BRF2: variants seen among roughly 807,000 people sequenced by gnomAD.
BRF2 encodes transcription factor IIIB 50 kDa subunit.
In BRF2, 17 loss-of-function variants were observed where a neutral mutation model predicts 26.6. The ratio of observed to expected loss-of-function variants is 0.64; its 90% CI spans 0.44 to 0.96. BRF2 has a LOEUF of 0.96. Among genes scored for constraint, BRF2 ranks in the 40% least tolerant of loss-of-function variants. BRF2 has a pLI of 0.00. For synonymous variants in BRF2, 219 were observed against 226.6 expected, an observed-to-expected ratio of 0.97 and a Z score of 0.30; for missense variants, 515 against 537.0, an observed-to-expected ratio of 0.96 and a Z score of 0.40.
At chr8:37,846,068 G>A (rs144331725) in intron 3 of BRF2, among the ~76,000 whole-genome samples, 303 of 152,284 alleles carry the variant, frequency 2.0e-3, no homozygotes, top group Non-Finnish European at 3.4e-3. Context: ...GCATTCTTTG[G>A]CGGGGTGCAG....
At position 37,848,623 on chromosome 8, in the gene BRF2, C is replaced by G; in HGVS notation, c.187G>C (p.Glu63Gln). ...CGTTGCTGGCTGCGACTAACTTGTT[C>G]GTTTTCCCCTGTGCTTCGGGAATAT... Reference protein sequence around the residue: ...VTYSRSTGENEQVSRSQQRGL... With the variant: ...VTYSRSTGENQQVSRSQQRGL... The change falls in exon 2 of 4, where the codon GAA (glutamate) becomes CAA (glutamine). Residue 63 changes from glutamate to glutamine, a missense_variant. By Grantham distance (29) the Glu-to-Gln change is conservative. Coordinates refer to ENST00000220659, the MANE Select transcript of BRF2 (RefSeq NM_018310.4). 1.2e-6 allele frequency: 2 copies of G among 1,614,126 alleles called. No individual in the cohort carries two copies.
Position 37,846,853 on chromosome 8 carries a change from C to A in BRF2, c.536+1G>T, listed in dbSNP as rs1408899687. The A allele has an allele frequency of 6.2e-7, 1 of 1,609,016 alleles. No individual in the cohort carries two copies. The highest frequency in any genetic ancestry group is 1.7e-5 in the Admixed American group (1 of 59,956). Reference sequence around the variant, plus strand: ...CCTACTGTCTCCCACCAGGGACGTACCTGCTGCAATAGGTCTTCACCAGTT... The same window carrying A: ...CCTACTGTCTCCCACCAGGGACGTAACTGCTGCAATAGGTCTTCACCAGTT... On this transcript the variant is annotated splice_donor_variant, in intron 3 of 3. Transcript: ENST00000220659. LOFTEE classifies it high-confidence loss of function.
chr8:37,846,898 C>G lies in BRF2; in HGVS notation c.492G>C (p.Val164=). The G allele has an allele frequency of 6.2e-7, 1 of 1,614,074 alleles. No individual in the cohort carries two copies. The highest frequency in any genetic ancestry group is 8.5e-7 in the Non-Finnish European group (1 of 1,179,952). ...MQIVKLLGLD[V]PSLCLAELVK... ...CCAGTTCTGCCAAGCACAGAGATGG[C>G]ACATCCAGTCCCAGGAGCTTCACTA... Residue 164 remains valine, a synonymous_variant, in exon 3 of 4, where the codon GTG becomes GTC. Transcript: ENST00000220659.
At chr8:37,846,539 G>A (rs1018703604) in intron 3 of BRF2, among the ~76,000 whole-genome samples, 1 of 152,110 alleles carries the variant, frequency 6.6e-6, no homozygotes, top group Non-Finnish European at 1.5e-5. Flanking sequence ...CGGATCACCT[G>A]AGGTCAGGAG....
Position 37,849,557 on chromosome 8 carries a change from G to A in BRF2, c.154+73C>T. 2.4e-6 allele frequency: 3 copies of A among 1,233,886 alleles called. No homozygotes were observed. In the South Asian group the frequency reaches 3.9e-5, roughly 16 times the overall value. 76.4% of individuals were successfully genotyped at this position (1,233,886 alleles called of 1,614,324 possible). A position where few individuals can be genotyped will look rare whatever the true frequency, so the allele number is the denominator to read the frequency against. On this transcript the variant is annotated intron_variant, in intron 1 of 3. Coordinates refer to ENST00000220659, the MANE Select transcript of BRF2 (RefSeq NM_018310.4). The stretch of plus-strand genomic sequence containing the variant: ...TGTGCGTTACAGTTAGGAGTATGGG[G>A]GGAGCGGGGAGGCAAAAGGAATCTG...
Position 37,844,764 on chromosome 8 carries a change from C to T in BRF2, c.986G>A (p.Trp329Ter). ...CTCCCCTTCTCCTTGCCCCTGTCCC[C>T]ACCCCGGTGGCTCCTTCTCTCGGGT... ...VETREKEPPGWGQGQGEGEVG... is the reference protein window; with the variant it reads ...VETREKEPPG The change falls in exon 4 of 4, where the codon TGG (tryptophan) becomes TAG (stop). Residue 329 changes from tryptophan to a stop codon, truncating the protein, a stop_gained. Coordinates refer to ENST00000220659, the MANE Select transcript of BRF2 (RefSeq NM_018310.4). LOFTEE classifies it low-confidence loss of function (END_TRUNC). 1 of 1,614,054 alleles carries T rather than the reference C, an allele frequency of 6.2e-7. No homozygotes were observed. The highest frequency in any genetic ancestry group is 8.5e-7 in the Non-Finnish European group (1 of 1,179,980).
chr8:37,848,869 C>T (rs911234715), intron 1 of BRF2, among the ~76,000 whole-genome samples: 1 of 152,238 alleles, frequency 6.6e-6, no homozygotes, highest in Non-Finnish European at 1.5e-5. Flanking sequence ...CCAAGTGTTC[C>T]AAATTTCCAG....
intron 3 of BRF2, 41 bp from the exon 4 acceptor site, chr8:37,845,254 G>A: frequency 6.5e-7 from 1 of 1,532,430 alleles, no homozygotes; most frequent in Non-Finnish European, 9.0e-7. Context: ...AATGATATAG[G>A]GGCTGCTCTC....
Position 37,847,061 on chromosome 8 carries a change from C to T in BRF2, c.329G>A (p.Arg110Lys). The T allele has an allele frequency of 6.2e-7, 1 of 1,614,236 alleles. No homozygotes were observed. The highest frequency in any genetic ancestry group is 8.5e-7 in the Non-Finnish European group (1 of 1,180,048). ...AYRHSGIRAA[R>K]LQKKEVLVGC... ...AACCAACACCTCCTTCTTTTGCAGC[C>T]TGGCCGCTCGGATGCCAGAGTGCCG... is the stretch of plus-strand genomic sequence containing the variant. The change falls in exon 3 of 4, where the codon AGG becomes AAG. Residue 110 changes from arginine to lysine, a missense_variant. Arg to Lys is a conservative substitution (Grantham distance 26). Coordinates refer to ENST00000220659, the MANE Select transcript of BRF2 (RefSeq NM_018310.4).
rs1251717807 is a variant in BRF2, at chr8:37,845,004, C to A, written c.746G>T (p.Arg249Leu). The A allele has an allele frequency of 1.9e-6, 3 of 1,613,948 alleles. No homozygotes were observed. Among genetic ancestry groups the A allele is most frequent in the Non-Finnish European group, 2.5e-6 (3 of 1,179,984 alleles). Residue 249 changes from arginine (R) to leucine (L), a missense_variant, in exon 4 of 4, where the codon CGA becomes CTA. Physicochemically the swap from Arg to Leu is moderately radical, Grantham distance 102. Transcript: ENST00000220659. ...GTCCACATTTGCCAATTTACAAAATCGGGCAAGGGAACATGAAAGCCGATC... is the reference window on the plus strand; with the variant it reads ...GTCCACATTTGCCAATTTACAAAATAGGGCAAGGGAACATGAAAGCCGATC... ...PADRLSCSLARFCKLANVDLP... is the reference protein window; with the variant it reads ...PADRLSCSLALFCKLANVDLP...
intron 1 of BRF2, 66 bp downstream of exon 1, chr8:37,849,564 G>T: frequency 7.7e-7 from 1 of 1,306,884 alleles, no homozygotes; most frequent in Non-Finnish European, 1.1e-6. Context: ...GGGGGGAGCG[G>T]GGAGGCAAAA....
At chr8:37,846,773 A>C (rs898496392) in intron 3 of BRF2, 81 bp downstream of exon 3, 2 of 1,049,810 alleles carry the variant, frequency 1.9e-6, no homozygotes, top group Admixed American at 2.2e-5. Flanking sequence ...AAGAAAAAAA[A>C]AAAGAGATGG....
chr8:37,844,771 G>A lies in BRF2; in HGVS notation c.979C>T (p.Pro327Ser), dbSNP rs537375402. The change falls in exon 4 of 4, where the codon CCG becomes TCG. Residue 327 changes from proline (P) to serine (S), a missense_variant. Transcript: ENST00000220659. Reference protein sequence around the residue: ...AEVETREKEPPGWGQGQGEGE... With the variant: ...AEVETREKEPSGWGQGQGEGE... ...TCTCCTTGCCCCTGTCCCCACCCCGGTGGCTCCTTCTCTCGGGTCTCCACT... is the reference window on the plus strand; with the variant it reads ...TCTCCTTGCCCCTGTCCCCACCCCGATGGCTCCTTCTCTCGGGTCTCCACT... The A allele has an allele frequency of 1.2e-6, 2 of 1,613,990 alleles. No individual in the cohort carries two copies. Among genetic ancestry groups the A allele is most frequent in the Non-Finnish European group, 1.7e-6 (2 of 1,179,966 alleles).
chr8:37,847,153 A>T lies in BRF2; in HGVS notation c.237T>A (p.Leu79=). ...QQRGLRRVRD[L]CRVLQLPPTF... ...TTGGTGGCAACTGCAGAACTCGACA[A>T]AGGTCTCTCACTCGCCGGAGACCTA... Residue 79 remains leucine, a synonymous_variant, in exon 3 of 4, where the codon CTT becomes CTA. Coordinates refer to ENST00000220659, the MANE Select transcript of BRF2 (RefSeq NM_018310.4). 1 of 1,613,908 alleles carries T rather than the reference A, an allele frequency of 6.2e-7. No individual in the cohort carries two copies. Among genetic ancestry groups the T allele is most frequent in the Non-Finnish European group, 8.5e-7 (1 of 1,179,786 alleles).
At chr8:37,847,209 C>T (rs762467563) in intron 2 of BRF2, 34 bp from the exon 3 acceptor site, 1 of 1,595,872 alleles carries the variant, frequency 6.3e-7, no homozygotes, top group Admixed American at 1.7e-5. Flanking sequence ...TTAGAGGGGT[C>T]AAAGGAGCTA....
At position 37,844,788 on chromosome 8, in the gene BRF2, G is replaced by A. The variant is rs778845865; in HGVS notation, c.962C>T (p.Thr321Ile). ...CCACCCCGGTGGCTCCTTCTCTCGG[G>A]TCTCCACTTCTGCTGTCCCATCCCG... is the stretch of plus-strand genomic sequence containing the variant. ...AFRDGTAEVE[T>I]REKEPPGWGQ... The change falls in exon 4 of 4, where the codon ACC becomes ATC. Residue 321 changes from threonine to isoleucine, a missense_variant. By Grantham distance (89) the Thr-to-Ile change is moderately conservative. Coordinates refer to ENST00000220659, the MANE Select transcript of BRF2 (RefSeq NM_018310.4). 12 of 1,613,880 alleles carry A rather than the reference G, an allele frequency of 7.4e-6. No individual in the cohort carries two copies. In the African/African-American group the frequency reaches 1.5e-4, roughly 20 times the overall value.
At position 37,844,871 on chromosome 8, in the gene BRF2, C is replaced by T; in HGVS notation, c.879G>A (p.Val293=). ...GGAGAAGGTCACCGATGTGCTTCAC[C>T]ACAGACCGTTTGTCAAGTCTCAGAA... The part of the protein sequence containing the change: ...LRVLRLDKRS[V]VKHIGDLLQH... Residue 293 remains valine, a synonymous_variant, in exon 4 of 4, where the codon GTG becomes GTA. Transcript: ENST00000220659. 1 of 1,614,194 alleles carries T rather than the reference C, an allele frequency of 6.2e-7. No homozygotes were observed. Among genetic ancestry groups the T allele is most frequent in the Non-Finnish European group, 8.5e-7 (1 of 1,180,040 alleles).
In BRF2 at chr8:37,844,461, C is replaced by G. The variant is rs1461748180; in HGVS notation, c.*29G>C. On this transcript the variant is annotated 3_prime_UTR_variant, in exon 4 of 4. Coordinates refer to ENST00000220659, the MANE Select transcript of BRF2 (RefSeq NM_018310.4). ...CAGGAATGTTATCAAGCTGTCAGAA[C>G]AGGATGAAGTGCTCCCAGTGGATAT... 1.2e-6 allele frequency: 2 copies of G among 1,603,510 alleles called. No individual in the cohort carries two copies. The highest frequency in any genetic ancestry group is 1.7e-6 in the Non-Finnish European group (2 of 1,174,136).
At chr8:37,846,079 T>C (rs1805951094) in intron 3 of BRF2, among the ~76,000 whole-genome samples, 1 of 152,246 alleles carries the variant, frequency 6.6e-6, no homozygotes. Flanking sequence ...CGGGGTGCAG[T>C]GGCTCACACT....
Sources: gnomAD v4.1 joint callset for allele counts (sites outside exome capture counted in the v4.1 genomes callset) on GRCh38, gnomAD v4.1.1 for gene constraint, MANE v1.5 for transcripts, NCBI Gene and HGNC (gene_info 2026-07-23, HGNC 2026-07-21) for gene names.